The following CORO2A variants were observed in gnomAD, a reference collection of about 807,000 sequenced individuals.
The protein encoded by CORO2A is coronin 2A.
CORO2A carries 47 observed loss-of-function variants against 62.4 expected under a neutral mutation model. That is an observed-to-expected ratio of 0.75 (90% CI 0.60 to 0.96). CORO2A has a LOEUF of 0.96. Among genes scored for constraint, CORO2A ranks in the 40% least tolerant of loss-of-function variants. The pLI is 0.00. For synonymous variants in CORO2A, 273 were observed against 268.9 expected (o/e 1.02, Z -0.15); for missense variants, 610 against 684.1 (o/e 0.89, Z 1.21).
intron 1 of CORO2A, among the ~76,000 whole-genome samples, chr9:98,183,780 C>T (rs76858557): frequency 0.046 from 6,931 of 152,146 alleles, 281 homozygotes; most frequent in East Asian, 0.22. Context: ...GCCAACATAG[C>T]GAAACCCCAT....
At chr9:98,173,471 C>T (rs1360431920) in intron 1 of CORO2A, among the ~76,000 whole-genome samples, 4 of 152,202 alleles carry the variant, frequency 2.6e-5, no homozygotes, top group African/African-American at 9.7e-5. Flanking sequence ...CCAAAATCCA[C>T]GGGCTCCATG....
intron 9 of CORO2A, 75 bp from the exon 10 acceptor site, chr9:98,128,335 A>G: frequency 1.7e-6 from 2 of 1,210,492 alleles, no homozygotes; most frequent in South Asian, 1.3e-5. Flanking sequence ...TAGACCTGGG[A>G]GTCCAGGCTC....
chr9:98,188,538 G>A (rs941999904), intron 1 of CORO2A, among the ~76,000 whole-genome samples: 20 of 152,156 alleles, frequency 1.3e-4, no homozygotes, highest in Non-Finnish European at 2.2e-4. Flanking sequence ...GCCGAGACAA[G>A]CGGATCATTT....
intron 2 of CORO2A, among the ~76,000 whole-genome samples, chr9:98,154,511 G>A (rs1827777228): frequency 1.3e-5 from 2 of 151,716 alleles, no homozygotes; most frequent in Non-Finnish European, 2.9e-5. Flanking sequence ...ACCATTACTA[G>A]CACATAGGAG....
chr9:98,182,918 C>T (rs1475514605), intron 1 of CORO2A, among the ~76,000 whole-genome samples: 1 of 152,238 alleles, frequency 6.6e-6, no homozygotes, highest in Non-Finnish European at 1.5e-5. Flanking sequence ...GTACATCTCA[C>T]AACAGATAAG....
chr9:98,164,412 C>G (rs921305874), intron 1 of CORO2A, among the ~76,000 whole-genome samples: 1 of 152,198 alleles, frequency 6.6e-6, no homozygotes, highest in African/African-American at 2.4e-5. Flanking sequence ...ATCCAGAATC[C>G]TTATGGGGTC....
intron 2 of CORO2A, among the ~76,000 whole-genome samples, chr9:98,153,696 A>T (rs868749802): frequency 3.9e-4 from 58 of 150,150 alleles, no homozygotes; most frequent in African/African-American, 5.9e-4. Context: ...ACACACACTC[A>T]CACACACACC....
chr9:98,128,085 G>T (rs902303650), intron 10 of CORO2A, 85 bp downstream of exon 10: 2 of 1,114,478 alleles, frequency 1.8e-6, no homozygotes, highest in Non-Finnish European at 2.7e-6. Flanking sequence ...AAAAATCCAG[G>T]CCCAACCCCT....
At chr9:98,136,112 C>T (rs1043798538) in intron 3 of CORO2A, among the ~76,000 whole-genome samples, 4 of 152,170 alleles carry the variant, frequency 2.6e-5, no homozygotes, top group East Asian at 1.9e-4. Flanking sequence ...CCTGGGGCAT[C>T]GGGGAAGGGG....
At chr9:98,145,339 T>C (rs1273346959) in intron 2 of CORO2A, among the ~76,000 whole-genome samples, 1 of 152,210 alleles carries the variant, frequency 6.6e-6, no homozygotes, top group African/African-American at 2.4e-5. Context: ...GTCCTGGCGT[T>C]GTCCTTTGGG....
Position 98,133,019 on chromosome 9 carries a change from C to G in CORO2A, c.648+19G>C, listed in dbSNP as rs755651296. The G allele has an allele frequency of 6.2e-7, 1 of 1,613,310 alleles. No homozygotes were observed. The highest frequency in any genetic ancestry group is 2.2e-5 in the East Asian group (1 of 44,878). ...CCTTGCTCCTCTGAGCCTGAGCCAG[C>G]CCCTGGCCCAGAACTGACCTGGAGG... is the stretch of plus-strand genomic sequence containing the variant. On this transcript the variant is annotated intron_variant, in intron 5 of 11. Transcript: ENST00000375077.
chr9:98,123,963 G>C lies in CORO2A; in HGVS notation c.*811C>G, dbSNP rs1176118729. The C allele has an allele frequency of 7.1e-6, 1 of 141,112 alleles. No homozygotes were observed. 8.7% of individuals were successfully genotyped at this position (141,112 alleles called of 1,614,324 possible). A position where few individuals can be genotyped will look rare whatever the true frequency, so the allele number is the denominator to read the frequency against. ...AACCACCACGCCCTGCCTAATTTTTGTATTTTTAGTAGAGACGGGGTTTCA... is the reference window on the plus strand; with the variant it reads ...AACCACCACGCCCTGCCTAATTTTTCTATTTTTAGTAGAGACGGGGTTTCA... On this transcript the variant is annotated 3_prime_UTR_variant, in exon 12 of 12. Transcript: ENST00000375077.
intron 1 of CORO2A, among the ~76,000 whole-genome samples, chr9:98,179,514 C>G (rs1266266535): frequency 2.0e-5 from 3 of 152,200 alleles, no homozygotes; most frequent in Non-Finnish European, 2.9e-5. Context: ...ACTTGGGCTA[C>G]TGGTAGATGG....
chr9:98,128,541 C>T, intron 9 of CORO2A, 66 bp downstream of exon 9: 6 of 1,420,172 alleles, frequency 4.2e-6, no homozygotes, highest in Non-Finnish European at 6.0e-6. Context: ...TGCCCGACAG[C>T]CCTGGGTCTG....
intron 1 of CORO2A, among the ~76,000 whole-genome samples, chr9:98,188,507 G>C (rs930686047): frequency 2.0e-5 from 3 of 152,150 alleles, no homozygotes; most frequent in Admixed American, 6.5e-5. Flanking sequence ...GCTCACATCT[G>C]TAATCCCAGC....
In CORO2A at chr9:98,137,652, C is replaced by G. The variant is rs2231658; in HGVS notation, c.238G>C (p.Gly80Arg). Reference sequence around the variant, plus strand: ...ACATCCAAAACGTTGCCTCTGTGCCCGCAGACTTTTGGGTAGTGGGGGTCC... The same window carrying G: ...ACATCCAAAACGTTGCCTCTGTGCCGGCAGACTTTTGGGTAGTGGGGGTCC... ...KLDPHYPKVC[G>R]HRGNVLDVKW... Residue 80 changes from glycine (G) to arginine (R), a missense_variant, in exon 3 of 12, where the codon GGG becomes CGG. Physicochemically the swap from Gly to Arg is moderately radical, Grantham distance 125 (BLOSUM62 -2). Transcript: ENST00000375077. The G allele has an allele frequency of 6.2e-7, 1 of 1,614,210 alleles. No homozygotes were observed. The highest frequency in any genetic ancestry group is 8.5e-7 in the Non-Finnish European group (1 of 1,180,040).
intron 1 of CORO2A, among the ~76,000 whole-genome samples, chr9:98,163,891 C>G (rs564759740): frequency 6.6e-6 from 1 of 152,178 alleles, no homozygotes; most frequent in African/African-American, 2.4e-5. Context: ...CCAAACTGGG[C>G]GTGGTGCAAA....
At chr9:98,181,888 C>T (rs1473596699) in intron 1 of CORO2A, among the ~76,000 whole-genome samples, 2 of 152,216 alleles carry the variant, frequency 1.3e-5, no homozygotes, top group African/African-American at 4.8e-5. Context: ...CAAGGAGAGT[C>T]ACTTCCAAGC....
intron 2 of CORO2A, among the ~76,000 whole-genome samples, chr9:98,149,507 C>T (rs1348052306): frequency 6.6e-6 from 1 of 152,252 alleles, no homozygotes; most frequent in Non-Finnish European, 1.5e-5. Context: ...CAAAAGAAGC[C>T]TGGCACCAGC....
Sources: gnomAD v4.1 joint callset for allele counts (sites outside exome capture counted in the v4.1 genomes callset) on GRCh38, gnomAD v4.1.1 for gene constraint, MANE v1.5 for transcripts, NCBI Gene and HGNC (gene_info 2026-07-23, HGNC 2026-07-21) for gene names.